AXIN1: variants seen among roughly 807,000 people sequenced by gnomAD.
AXIN1 encodes axin-1.
Under a neutral mutation model 76.4 loss-of-function variants are expected in AXIN1, and 30 were observed. The observed-to-expected ratio is 0.39, with a 90% CI of 0.29 to 0.53. The LOEUF is 0.53. AXIN1 is among the 20% of genes least tolerant of loss of function. The pLI, the probability that AXIN1 is intolerant of heterozygous loss-of-function variation, is 0.66. For synonymous variants in AXIN1, 545 were observed against 501.4 expected, an observed-to-expected ratio of 1.09 and a Z score of -1.16; for missense variants, 1,140 against 1,198.8, an observed-to-expected ratio of 0.95 and a Z score of 0.72.
intron 1 of AXIN1, 97 bp from the exon 2 acceptor site, chr16:347,203 C>T (rs565322988): frequency 2.5e-4 from 259 of 1,055,278 alleles, no homozygotes; most frequent in Non-Finnish European, 3.2e-4. Flanking sequence ...GACGCCCTCC[C>T]GCTCAAACTC....
chr16:346,093 G>C (rs2141699508), intron 2 of AXIN1, 55 bp downstream of exon 2: 2 of 1,575,744 alleles, frequency 1.3e-6, no homozygotes, highest in Non-Finnish European at 1.7e-6. Flanking sequence ...TCCCTGGCTT[G>C]TTCTCCAGCT....
intron 1 of AXIN1, among the ~76,000 whole-genome samples, chr16:347,878 G>A (rs1361312883): frequency 6.6e-6 from 1 of 152,242 alleles, no homozygotes; most frequent in Non-Finnish European, 1.5e-5. Flanking sequence ...ACTTGACTCT[G>A]AAAAGCCTCT....
intron 2 of AXIN1, among the ~76,000 whole-genome samples, chr16:325,176 C>T (rs1000441048): frequency 6.6e-6 from 1 of 151,514 alleles, no homozygotes; most frequent in African/African-American, 2.4e-5. Flanking sequence ...AGGAAACCAT[C>T]GCCTCAGCCC....
At chr16:291,167 G>A in intron 9 of AXIN1, 23 bp downstream of exon 9, 1 of 1,561,284 alleles carries the variant, frequency 6.4e-7, no homozygotes, top group Non-Finnish European at 8.7e-7. Context: ...GCAGGACCGG[G>A]AGGACCCTCA....
chr16:296,133 CT>C (rs1567263756), intron 7 of AXIN1, among the ~76,000 whole-genome samples: 2 of 152,164 alleles, frequency 1.3e-5, no homozygotes, highest in Non-Finnish European at 2.9e-5. Context: ...CTGTGCACCC[CT>C]GTTCCCTCGG....
In AXIN1 at chr16:287,896, T is replaced by C. The variant is rs975366749; in HGVS notation, c.*226A>G. 7.6e-6 allele frequency: 5 copies of C among 658,772 alleles called. No individual in the cohort carries two copies. Among genetic ancestry groups the C allele is most frequent in the South Asian group, 3.6e-5 (2 of 55,538 alleles). The allele number at this position is 658,772 out of a possible 1,614,324, so 40.8% of individuals were successfully genotyped here. On this transcript the variant is annotated 3_prime_UTR_variant, in exon 11 of 11. Coordinates refer to ENST00000262320, the MANE Select transcript of AXIN1 (RefSeq NM_003502.4). ...TCACTTGGGCTGGGCCCTCCAAGTA[T>C]TGCTATGAGGAGTGGTCCAGGCTGC...
chr16:340,688 G>C (rs1001182411), intron 2 of AXIN1, among the ~76,000 whole-genome samples: 2 of 152,228 alleles, frequency 1.3e-5, no homozygotes, highest in Non-Finnish European at 2.9e-5. Flanking sequence ...TGCAGAAAGT[G>C]TTCCCACAGA....
In AXIN1 at chr16:336,585, G is replaced by T. The variant is rs1012206236; in HGVS notation, c.878+9563C>A. ...ACCTGTAATCCCAGCACTTTGGGAGGCCAATGCGGGCAGATCACGAGGTCA... is the reference window on the plus strand; with the variant it reads ...ACCTGTAATCCCAGCACTTTGGGAGTCCAATGCGGGCAGATCACGAGGTCA... On this transcript the variant is annotated intron_variant, in intron 2 of 10. Transcript: ENST00000262320. Among the ~76,000 whole-genome samples the T allele has an allele frequency of 1.1e-4, 17 of 152,272 alleles. No homozygotes were observed. In the East Asian group the frequency reaches 1.9e-3, roughly 17 times the overall value.
rs1236494822 is a variant in AXIN1 at position 287,726 on chromosome 16, C to T, written c.*396G>A. ...TACAATTGACAGAGGCCCTGCAGGC[C>T]TCTGCATCCGGGCCTGGGCCCCACC... is the stretch of plus-strand genomic sequence containing the variant. On this transcript the variant is annotated 3_prime_UTR_variant, in exon 11 of 11. Coordinates refer to ENST00000262320, the MANE Select transcript of AXIN1 (RefSeq NM_003502.4). The T allele has an allele frequency of 5.1e-6, 2 of 393,234 alleles. No individual in the cohort carries two copies. The highest frequency in any genetic ancestry group is 9.6e-6 in the Non-Finnish European group (2 of 208,882). The allele number at this position is 393,234 out of a possible 1,614,324, so 24.4% of individuals were successfully genotyped here. A position where few individuals can be genotyped will look rare whatever the true frequency, so the allele number is the denominator to read the frequency against.
At chr16:331,845 A>AC (rs1192608416) in intron 2 of AXIN1, among the ~76,000 whole-genome samples, 1 of 151,910 alleles carries the variant, frequency 6.6e-6, no homozygotes, top group Non-Finnish European at 1.5e-5. Flanking sequence ...TACTTACGTC[A>AC]CCCTCAGATC....
At chr16:316,031 C>A (rs1231335431) in intron 2 of AXIN1, among the ~76,000 whole-genome samples, 7 of 151,580 alleles carry the variant, frequency 4.6e-5, no homozygotes, top group Non-Finnish European at 1.0e-4. Context: ...CCAGCCTGGG[C>A]GACAGAGTAA....
chr16:305,004 A>G (rs1026532915), intron 4 of AXIN1, among the ~76,000 whole-genome samples: 1 of 152,176 alleles, frequency 6.6e-6, no homozygotes, highest in Non-Finnish European at 1.5e-5. Context: ...AAGAGGCCTG[A>G]GCAGGGCAGC....
At position 289,509 on chromosome 16, in the gene AXIN1, G is replaced by T. The variant is rs1488698142; in HGVS notation, c.2393C>A (p.Thr798Asn). 6.2e-7 allele frequency: 1 copy of T among 1,612,986 alleles called. No homozygotes were observed. The highest frequency in any genetic ancestry group is 2.2e-5 in the East Asian group (1 of 44,886). ...YFCGEPIPYR[T>N]LVRGRAVTLG... is the part of the protein sequence containing the mutation. The stretch of plus-strand genomic sequence containing the variant: ...GGTGACAGCGCGGCCCCTCACCAGG[G>T]TGCGGTAGGGGATGGGTTCCCCGCA... The change falls in exon 10 of 11, where the codon ACC becomes AAC. Residue 798 changes from threonine to asparagine, a missense_variant. Coordinates refer to ENST00000262320, the MANE Select transcript of AXIN1 (RefSeq NM_003502.4).
intron 2 of AXIN1, among the ~76,000 whole-genome samples, chr16:340,561 C>T (rs1395760647): frequency 1.3e-5 from 2 of 152,214 alleles, no homozygotes; most frequent in African/African-American, 2.4e-5. Context: ...CTGGGCCTCC[C>T]GCCCAACACT....
At chr16:315,368 T>C (rs1432155808) in intron 2 of AXIN1, among the ~76,000 whole-genome samples, 1 of 152,244 alleles carries the variant, frequency 6.6e-6, no homozygotes, top group African/African-American at 2.4e-5. Flanking sequence ...GGTTTACCAT[T>C]TTCTATGGGG....
chr16:344,007 CAAAA>C lies in AXIN1; in HGVS notation c.878+2137_878+2140del, dbSNP rs35154860. ...TGTGTGACAGAGCGAGACTCCATTT[CAAAA>C]AAAAAAAAAAGAAAGAAAGAAAGAA... On this transcript the variant is annotated intron_variant, in intron 2 of 10. Coordinates refer to ENST00000262320, the MANE Select transcript of AXIN1 (RefSeq NM_003502.4). 4.1e-4 allele frequency among the ~76,000 whole-genome samples: 53 copies of C among 129,820 alleles called. 1 individual carries two copies. Among genetic ancestry groups the C allele is most frequent in the Middle Eastern group, 4.3e-3 (1 of 234 alleles). The allele number at this position is 129,820 out of a possible 152,430, so 85.2% of individuals were successfully genotyped here. A position where few individuals can be genotyped will look rare whatever the true frequency, so the allele number is the denominator to read the frequency against.
In AXIN1 at chr16:341,585, C is replaced by G. The variant is rs184233498; in HGVS notation, c.878+4563G>C. 7.1e-3 allele frequency among the ~76,000 whole-genome samples: 1,089 copies of G among 152,362 alleles called. 11 individuals are homozygous for G. The highest frequency in any genetic ancestry group is 9.8e-3 in the Admixed American group (150 of 15,300). ...TCCTGTGCGGACCGAGTCTCCCCGACGAGCGCCCGGTCCCATTGACCACCC... is the reference window on the plus strand; with the variant it reads ...TCCTGTGCGGACCGAGTCTCCCCGAGGAGCGCCCGGTCCCATTGACCACCC... On this transcript the variant is annotated intron_variant, in intron 2 of 10. Coordinates refer to ENST00000262320, the MANE Select transcript of AXIN1 (RefSeq NM_003502.4).
chr16:346,437 T>A lies in AXIN1; in HGVS notation c.589A>T (p.Thr197Ser), dbSNP rs1290477429. ...TCAGACTTAAGGAAGGAGGGATAGGTGTTTTCCTCCATAGTGGCCTGGATT... is the reference window on the plus strand; with the variant it reads ...TCAGACTTAAGGAAGGAGGGATAGGAGTTTTCCTCCATAGTGGCCTGGATT... ...TEIQATMEEN[T>S]YPSFLKSDIY... The change falls in exon 2 of 11, where the codon ACC becomes TCC. Residue 197 changes from threonine (T) to serine (S), a missense_variant. Transcript: ENST00000262320. 6.2e-7 allele frequency: 1 copy of A among 1,614,166 alleles called. No individual in the cohort carries two copies. Among genetic ancestry groups the A allele is most frequent in the Non-Finnish European group, 8.5e-7 (1 of 1,180,034 alleles).
At chr16:289,884 C>A in intron 9 of AXIN1, 1 of 553,696 alleles carries the variant, frequency 1.8e-6, no homozygotes, top group Non-Finnish European at 3.3e-6. Context: ...GCCAGGTGCA[C>A]TGCAGCTCCC....
Sources: allele counts gnomAD v4.1 joint callset (sites outside exome capture counted in the v4.1 genomes callset), GRCh38; gene constraint gnomAD v4.1.1; transcripts MANE v1.5; gene names NCBI Gene and HGNC (gene_info 2026-07-23, HGNC 2026-07-21).